The following ANO3 variants were observed in gnomAD, a reference collection of about 807,000 sequenced individuals.
The protein encoded by ANO3 is anoctamin-3.
ANO3 carries 99 observed loss-of-function variants against 144.8 expected under a neutral mutation model. The ratio of observed to expected loss-of-function variants is 0.68; its 90% confidence interval spans 0.58 to 0.81. ANO3 has a LOEUF of 0.81. Among genes scored for constraint, ANO3 ranks in the 30% least tolerant of loss-of-function variants. The probability of loss-of-function intolerance (pLI) is 0.00; values close to 1 mark genes in which losing one functional copy is unlikely to be tolerated. For synonymous variants in ANO3, 414 were observed against 392.6 expected, an observed-to-expected ratio of 1.05 and a Z score of -0.64; for missense variants, 905 against 1,202.2, an observed-to-expected ratio of 0.75 and a Z score of 3.66.
chr11:26,644,517 G>T (rs1197868612), intron 23 of ANO3, among the ~76,000 whole-genome samples: 4 of 152,018 alleles, frequency 2.6e-5, no homozygotes, highest in African/African-American at 9.7e-5. Context: ...CTAAATTTTT[G>T]ATATGTAATT....
At chr11:26,513,807 A>T (rs918049336) in intron 5 of ANO3, among the ~76,000 whole-genome samples, 1 of 152,266 alleles carries the variant, frequency 6.6e-6, no homozygotes, top group African/African-American at 2.4e-5. Flanking sequence ...ACATAGTCCT[A>T]CATGTCAAAC....
At chr11:26,352,284 C>G (rs1314805397) in intron 1 of ANO3, among the ~76,000 whole-genome samples, 1 of 152,206 alleles carries the variant, frequency 6.6e-6, no homozygotes, top group Non-Finnish European at 1.5e-5. Context: ...AGCAAATAGT[C>G]ATCCACCTTG....
intron 1 of ANO3, among the ~76,000 whole-genome samples, chr11:26,385,404 T>C (rs7108549): frequency 0.27 from 40,393 of 152,036 alleles, 6,020 homozygotes; most frequent in African/African-American, 0.41. Context: ...GGTTAAAAAT[T>C]CAAAATTAGA....
intron 1 of ANO3, among the ~76,000 whole-genome samples, chr11:26,262,313 CTAGT>C (rs1460600790): frequency 6.6e-6 from 1 of 152,118 alleles, no homozygotes; most frequent in Non-Finnish European, 1.5e-5. Flanking sequence ...TCTTCTTCAT[CTAGT>C]TAAATTTTAC....
At position 26,275,643 on chromosome 11, in the gene ANO3, G is replaced by T. The variant is rs1178082375; in HGVS notation, c.155-34002G>T. Among the ~76,000 whole-genome samples the T allele has an allele frequency of 2.0e-5, 3 of 152,112 alleles. No homozygotes were observed. The South Asian group carries it at 6.2e-4, about 32-fold the overall frequency. On this transcript the variant is annotated intron_variant, in intron 1 of 27. Coordinates refer to the ANO3 transcript ENST00000672621. ...TCTAAAGTCATACTGTAGGTCAGAG[G>T]TTAGCTTTTCACCTGCGTAACTCTG...
intron 1 of ANO3, among the ~76,000 whole-genome samples, chr11:26,242,786 T>C (rs756090754): frequency 1.3e-5 from 2 of 152,148 alleles, no homozygotes; most frequent in African/African-American, 2.4e-5. Context: ...ATCAATATTG[T>C]AAAGATTAAG....
chr11:26,211,647 G>A (rs1554923401), intron 1 of ANO3, among the ~76,000 whole-genome samples: 1 of 152,178 alleles, frequency 6.6e-6, no homozygotes, highest in African/African-American at 2.4e-5. Flanking sequence ...GTAGAAGACA[G>A]TTTGGCAATT....
intron 3 of ANO3, chr11:26,459,979 T>G: frequency 3.3e-6 from 1 of 300,504 alleles, no homozygotes; most frequent in South Asian, 2.7e-5. Context: ...CCAGTTGTGC[T>G]GTTTTGCTCT....
chr11:26,395,046 G>T (rs1202063928), intron 1 of ANO3, among the ~76,000 whole-genome samples: 1 of 152,048 alleles, frequency 6.6e-6, no homozygotes, highest in Admixed American at 6.6e-5. Flanking sequence ...GAATTTTGGG[G>T]GTTAAATCTG....
At chr11:26,463,727 C>T (rs988338232) in intron 4 of ANO3, among the ~76,000 whole-genome samples, 15 of 151,836 alleles carry the variant, frequency 9.9e-5, no homozygotes, top group African/African-American at 3.6e-4. Context: ...CTCCAACAAT[C>T]CTGCCATCCC....
At chr11:26,274,230 AC>A (rs1853510162) in intron 1 of ANO3, among the ~76,000 whole-genome samples, 1 of 152,188 alleles carries the variant, frequency 6.6e-6, no homozygotes, top group Non-Finnish European at 1.5e-5. Context: ...CAAACAATAT[AC>A]AAATATACAA....
Position 26,565,996 on chromosome 11 carries a change from TAG to T in ANO3, c.1447+6221_1447+6222del, listed in dbSNP as rs1850565925. 2.6e-6 allele frequency: 3 copies of T among 1,166,974 alleles called. No homozygotes were observed. The African/African-American group carries it at 4.7e-5, about 18-fold the overall frequency. The allele number at this position is 1,166,974 out of a possible 1,614,324, so 72.3% of individuals were successfully genotyped here. A position where few individuals can be genotyped will look rare whatever the true frequency, so the allele number is the denominator to read the frequency against. On this transcript the variant is annotated intron_variant, in intron 14 of 26. Coordinates refer to ENST00000256737, the MANE Select transcript of ANO3 (RefSeq NM_031418.4). The stretch of plus-strand genomic sequence containing the variant: ...AAGTGATAAAAATCTAGACATAATA[TAG>T]AGATGGTAATATCATATTTTTATTC...
intron 1 of ANO3, among the ~76,000 whole-genome samples, chr11:26,371,607 G>A (rs1305129649): frequency 6.6e-6 from 1 of 152,218 alleles, no homozygotes; most frequent in Non-Finnish European, 1.5e-5. Context: ...CCAGGAGGGG[G>A]ATTATATCCT....
intron 4 of ANO3, among the ~76,000 whole-genome samples, chr11:26,481,961 T>C (rs2134089618): frequency 6.6e-6 from 1 of 152,266 alleles, no homozygotes; most frequent in Non-Finnish European, 1.5e-5. Context: ...GGTGAAATCA[T>C]GGCTCACTGC....
At chr11:26,278,699 G>C (rs894604605) in intron 1 of ANO3, among the ~76,000 whole-genome samples, 8 of 152,046 alleles carry the variant, frequency 5.3e-5, no homozygotes, top group African/African-American at 1.9e-4. Context: ...AACAGTACTA[G>C]ATTTCCTAAG....
chr11:26,194,439 G>GCT lies in ANO3; in HGVS notation c.154+5109_154+5110insCT, dbSNP rs1851538720. On this transcript the variant is annotated intron_variant, in intron 1 of 27. Transcript: ENST00000672621. ...TTTTTCATCTTTGTGGGTACATAGT[G>GCT]GTGTGTGTGTGTGTGTGTGTGTGTG... 4.9e-5 allele frequency among the ~76,000 whole-genome samples: 3 copies of GCT among 60,612 alleles called. No individual in the cohort carries two copies. The East Asian group carries it at 9.5e-4, about 19-fold the overall frequency. 39.8% of individuals were successfully genotyped at this position (60,612 alleles called of 152,430 possible).
chr11:26,512,408 G>A (rs796539152), intron 5 of ANO3, among the ~76,000 whole-genome samples: 4 of 152,152 alleles, frequency 2.6e-5, no homozygotes, highest in African/African-American at 9.6e-5. Context: ...TGCCAGATTG[G>A]CAGTTTTTGA....
At chr11:26,475,253 C>T (rs117149442) in intron 4 of ANO3, among the ~76,000 whole-genome samples, 158 of 151,462 alleles carry the variant, frequency 1.0e-3, no homozygotes, top group Non-Finnish European at 1.7e-3. Flanking sequence ...TTATTCTTCC[C>T]GTGGATACAT....
intron 1 of ANO3, among the ~76,000 whole-genome samples, chr11:26,379,451 T>C (rs1427236064): frequency 6.6e-6 from 1 of 152,096 alleles, no homozygotes; most frequent in Non-Finnish European, 1.5e-5. Flanking sequence ...TTGATCTATG[T>C]GAGAGATGAC....
Sources: gnomAD v4.1 joint callset for allele counts (sites outside exome capture counted in the v4.1 genomes callset) on GRCh38, gnomAD v4.1.1 for gene constraint, MANE v1.5 for transcripts, NCBI Gene and HGNC (gene_info 2026-07-23, HGNC 2026-07-21) for gene names.